The following CDH9 variants were observed in gnomAD, a reference collection of about 807,000 sequenced individuals.
CDH9 encodes cadherin 9, also known as cadherin-9.
A neutral mutation model predicts 70.9 loss-of-function variants in CDH9; 28 were observed. The ratio of observed to expected loss-of-function variants is 0.40; its 90% CI spans 0.29 to 0.54. The LOEUF is 0.54. Ranked by LOEUF, CDH9 falls within the 20% of genes least tolerant of loss-of-function variation. The pLI is 0.59. For synonymous variants in CDH9, 409 were observed against 343.1 expected (o/e 1.19, Z -2.12); for missense variants, 874 against 984.4 (o/e 0.89, Z 1.50).
At chr5:26,959,804 T>C (rs146415141) in intron 2 of CDH9, among the ~76,000 whole-genome samples, 77 of 152,128 alleles carry the variant, frequency 5.1e-4, no homozygotes, top group African/African-American at 1.9e-3. Context: ...AAATACAAAA[T>C]ATCCAGAATA....
intron 2 of CDH9, among the ~76,000 whole-genome samples, chr5:26,932,811 ATTGT>A (rs1470611208): frequency 2.6e-4 from 39 of 151,634 alleles, no homozygotes; most frequent in African/African-American, 8.9e-4. Flanking sequence ...AATGTCCCTG[ATTGT>A]TTGTCTTGTT....
chr5:27,027,214 T>C (rs993295088), intron 1 of CDH9, among the ~76,000 whole-genome samples: 1 of 152,066 alleles, frequency 6.6e-6, no homozygotes, highest in African/African-American at 2.4e-5. Context: ...TATATTAATT[T>C]CAAGTAATAT....
chr5:26,890,584 T>C lies in CDH9; in HGVS notation c.1254-20A>G. 6.3e-7 allele frequency: 1 copy of C among 1,576,004 alleles called. No individual in the cohort carries two copies. The highest frequency in any genetic ancestry group is 8.7e-7 in the Non-Finnish European group (1 of 1,145,844). On this transcript the variant is annotated intron_variant, in intron 7 of 11. Coordinates refer to ENST00000231021, the MANE Select transcript of CDH9 (RefSeq NM_016279.4). ...GAGTACCTGGCAGAAGACAGACTCA[T>C]AAATCCAGGCATTCTTCTAAGGTTA...
chr5:26,997,787 C>T (rs1742692388), intron 1 of CDH9, among the ~76,000 whole-genome samples: 1 of 150,468 alleles, frequency 6.6e-6, no homozygotes, highest in East Asian at 2.0e-4. Flanking sequence ...ACAACCTCTG[C>T]CTCCTGGGTT....
At chr5:26,903,578 G>T (rs747922862) in intron 6 of CDH9, 59 bp downstream of exon 6, 18 of 1,163,386 alleles carry the variant, frequency 1.5e-5, no homozygotes, top group Non-Finnish European at 1.7e-5. Context: ...TCCCTTTACT[G>T]AAAAGCAAAC....
At chr5:26,913,347 G>A (rs993173314) in intron 3 of CDH9, among the ~76,000 whole-genome samples, 1 of 152,048 alleles carries the variant, frequency 6.6e-6, no homozygotes, top group African/African-American at 2.4e-5. Flanking sequence ...GAACCAAAGT[G>A]GAAGCAAGTA....
intron 3 of CDH9, among the ~76,000 whole-genome samples, chr5:26,908,512 C>T (rs1740988405): frequency 6.6e-6 from 1 of 152,034 alleles, no homozygotes; most frequent in African/African-American, 2.4e-5. Context: ...TCTTGAGTTA[C>T]CCATTTTATT....
chr5:26,969,935 T>TATAA (rs1554001147), intron 2 of CDH9, among the ~76,000 whole-genome samples: 130 of 149,048 alleles, frequency 8.7e-4, no homozygotes, highest in African/African-American at 3.1e-3. Context: ...TATATATATA[T>TATAA]AATATATATA....
chr5:26,949,450 GC>G (rs1741808111), intron 2 of CDH9, among the ~76,000 whole-genome samples: 1 of 152,208 alleles, frequency 6.6e-6, no homozygotes, highest in South Asian at 2.1e-4. Flanking sequence ...AAGGAAGGCT[GC>G]ATCTACAAAT....
At chr5:27,025,219 A>G (rs1743201453) in intron 1 of CDH9, among the ~76,000 whole-genome samples, 2 of 152,106 alleles carry the variant, frequency 1.3e-5, no homozygotes, top group Non-Finnish European at 2.9e-5. Context: ...CACAAGCGGT[A>G]TAGACCTATC....
chr5:26,987,091 CTTTTTTT>C (rs201154706), intron 2 of CDH9, among the ~76,000 whole-genome samples: 3 of 108,282 alleles, frequency 2.8e-5, no homozygotes, highest in Admixed American at 1.1e-4. Context: ...CACTTGTATT[CTTTTTTT>C]TTTTTTTTTT....
intron 1 of CDH9, among the ~76,000 whole-genome samples, chr5:26,990,413 T>G (rs1742561473): frequency 6.6e-6 from 1 of 152,202 alleles, no homozygotes; most frequent in African/African-American, 2.4e-5. Flanking sequence ...TATATATGGT[T>G]AAGTTCCAGA....
chr5:26,927,106 A>T (rs1741356946), intron 2 of CDH9, among the ~76,000 whole-genome samples: 1 of 151,974 alleles, frequency 6.6e-6, no homozygotes, highest in East Asian at 1.9e-4. Context: ...AGCACATGCA[A>T]CCCCAAGCAA....
intron 1 of CDH9, among the ~76,000 whole-genome samples, chr5:27,007,086 A>G (rs1742877361): frequency 6.6e-6 from 1 of 152,170 alleles, no homozygotes; most frequent in Admixed American, 6.6e-5. Context: ...TTTTCAGCCT[A>G]TGGTTTCATG....
Position 27,034,934 on chromosome 5 carries a change from A to G in CDH9, c.-50+3529T>C, listed in dbSNP as rs141469916. 2.3e-3 allele frequency among the ~76,000 whole-genome samples: 345 copies of G among 151,726 alleles called. 1 individual carries two copies. The highest frequency in any genetic ancestry group is 3.6e-3 in the Non-Finnish European group (246 of 67,754). On this transcript the variant is annotated intron_variant, in intron 1 of 11. Coordinates refer to ENST00000231021, the MANE Select transcript of CDH9 (RefSeq NM_016279.4). Reference sequence around the variant, plus strand: ...TAAGGATAATGGTGCTTCCAGGCAGAGAAATTGAAATGACTCATAAGAGAA... The same window carrying G: ...TAAGGATAATGGTGCTTCCAGGCAGGGAAATTGAAATGACTCATAAGAGAA...
At chr5:27,006,518 CTAAGA>C (rs1742867698) in intron 1 of CDH9, among the ~76,000 whole-genome samples, 1 of 152,060 alleles carries the variant, frequency 6.6e-6, no homozygotes, top group South Asian at 2.1e-4. Context: ...TGGTGCTCTG[CTAAGA>C]TAACAGGATG....
intron 2 of CDH9, among the ~76,000 whole-genome samples, chr5:26,926,540 C>T (rs1333646292): frequency 6.6e-6 from 1 of 151,932 alleles, no homozygotes; most frequent in Non-Finnish European, 1.5e-5. Flanking sequence ...AGATTCAATG[C>T]CATCCCCATC....
In CDH9 at chr5:26,892,887, T is replaced by C. The variant is rs572047682; in HGVS notation, c.1254-2323A>G. ...CTGGAACTACAGGCGCCCACCACCATGTCCGGCTAATTTTTTTTTGTATTT... is the reference window on the plus strand; with the variant it reads ...CTGGAACTACAGGCGCCCACCACCACGTCCGGCTAATTTTTTTTTGTATTT... On this transcript the variant is annotated intron_variant, in intron 7 of 11. Transcript: ENST00000231021. Among the ~76,000 whole-genome samples the C allele has an allele frequency of 1.2e-4, 18 of 151,994 alleles. No individual in the cohort carries two copies. In the East Asian group the frequency reaches 3.5e-3, roughly 30 times the overall value.
intron 1 of CDH9, among the ~76,000 whole-genome samples, chr5:26,989,908 T>C (rs1742552473): frequency 1.3e-5 from 2 of 152,146 alleles, no homozygotes; most frequent in Non-Finnish European, 2.9e-5. Context: ...ATTTTACACT[T>C]TTATCAATAC....
Sources: allele counts gnomAD v4.1 joint callset (sites outside exome capture counted in the v4.1 genomes callset), GRCh38; gene constraint gnomAD v4.1.1; transcripts MANE v1.5; gene names NCBI Gene and HGNC (gene_info 2026-07-23, HGNC 2026-07-21).